Variants in PDXDC1 observed in about 807,000 individuals in gnomAD.
PDXDC1 encodes the protein pyridoxal dependent decarboxylase domain containing 1.
In PDXDC1, 42 loss-of-function variants were observed where a neutral mutation model predicts 100.1. The observed-to-expected ratio is 0.42, with a 90% confidence interval of 0.33 to 0.54. The LOEUF (loss-of-function observed/expected upper bound fraction) is 0.54, where lower values mean the gene tolerates loss of function less well. Among genes scored for constraint, PDXDC1 ranks in the 20% least tolerant of loss-of-function variants. PDXDC1 has a pLI of 0.10. For missense variants in PDXDC1, 636 were observed against 979.2 expected (o/e 0.65, Z 4.68); for synonymous variants, 260 against 371.7 (o/e 0.70, Z 3.46).
intron 12 of PDXDC1, among the ~76,000 whole-genome samples, chr16:15,020,637 C>T (rs1201409281): frequency 9.9e-5 from 15 of 151,806 alleles, no homozygotes; most frequent in Admixed American, 6.6e-4. Context: ...TGCAGTGAGC[C>T]GAGATTGCGC....
At chr16:14,993,856 C>T (rs1971404458) in intron 1 of PDXDC1, among the ~76,000 whole-genome samples, 1 of 152,294 alleles carries the variant, frequency 6.6e-6, no homozygotes. Flanking sequence ...GAGATGGTAT[C>T]TCATTGTGGT....
intron 12 of PDXDC1, among the ~76,000 whole-genome samples, chr16:15,021,478 T>C (rs1405692776): frequency 6.6e-6 from 1 of 152,308 alleles, no homozygotes; most frequent in East Asian, 1.9e-4. Flanking sequence ...AGCTCACTTC[T>C]TGAGATGTGG....
chr16:15,082,149 T>C (rs1422391723), intron 16 of PDXDC1, among the ~76,000 whole-genome samples: 1 of 152,228 alleles, frequency 6.6e-6, no homozygotes, highest in Non-Finnish European at 1.5e-5. Context: ...GCGGACATCC[T>C]TGTTTTGTTC....
downstream of PDXDC1, among the ~76,000 whole-genome samples, chr16:15,042,642 C>G (rs141809262): frequency 3.7e-4 from 56 of 152,306 alleles, no homozygotes; most frequent in South Asian, 1.0e-3. Context: ...TCTTCAGGTT[C>G]AAATCTCTAT....
chr16:14,986,844 T>C (rs1460139999), intron 1 of PDXDC1, among the ~76,000 whole-genome samples: 1 of 152,282 alleles, frequency 6.6e-6, no homozygotes, highest in East Asian at 1.9e-4. Context: ...CCTCCCAGGT[T>C]CGAGTGATTC....
At position 15,097,421 on chromosome 16, in the gene PDXDC1, G is replaced by A. The variant is rs181377442; in HGVS notation, c.1400-41458G>A. Among the ~76,000 whole-genome samples, 172 of 138,298 alleles carry A rather than the reference G, an allele frequency of 1.2e-3. 1 individual carries two copies. The highest frequency in any genetic ancestry group is 4.5e-3 in the African/African-American group (167 of 37,304). 90.7% of individuals were successfully genotyped at this position (138,298 alleles called of 152,430 possible). ...AGGCGGATCACGAGGTCAGGAGATC[G>A]AGACCATCCTGGCTAATGCGGTGAA... On this transcript the variant is annotated intron_variant, in intron 16 of 16. Coordinates refer to the PDXDC1 transcript ENST00000535621.
chr16:15,078,812 CTTTTTTTTTTTTT>C (rs5816111), intron 16 of PDXDC1, among the ~76,000 whole-genome samples: 1 of 117,640 alleles, frequency 8.5e-6, no homozygotes, highest in Non-Finnish European at 1.9e-5. Flanking sequence ...GTATTTTTTT[CTTTTTTTTTTTTT>C]TTTTGAGACA....
At chr16:15,080,503 T>C (rs553249324) in intron 16 of PDXDC1, among the ~76,000 whole-genome samples, 19 of 152,204 alleles carry the variant, frequency 1.2e-4, no homozygotes, top group Non-Finnish European at 1.0e-4. Flanking sequence ...GGTGCAATCA[T>C]AGCTCACTGC....
intron 1 of PDXDC1, chr16:14,988,441 C>A (rs1472154424): frequency 6.2e-7 from 1 of 1,614,030 alleles, no homozygotes; most frequent in African/African-American, 1.3e-5. Flanking sequence ...GCCAGGATGG[C>A]CTTGAGGTGC....
chr16:15,048,185 C>G, intron 16 of PDXDC1: 1 of 898,770 alleles, frequency 1.1e-6, no homozygotes, highest in East Asian at 2.6e-5. Flanking sequence ...AAAGTGGGCT[C>G]TGCGTGGGCA....
At chr16:15,142,768 G>A (rs1431606181), downstream of PDXDC1, among the ~76,000 whole-genome samples, 1 of 151,416 alleles carries the variant, frequency 6.6e-6, no homozygotes, top group African/African-American at 2.4e-5. Context: ...GGCTTCCTCT[G>A]CACCCGCCAG....
Position 14,988,652 on chromosome 16 carries a change from C to T in PDXDC1, c.22-9101C>T, listed in dbSNP as rs1597319809. On this transcript the variant is annotated intron_variant, in intron 1 of 22. Transcript: ENST00000396410. ...ACTCCACGGACTCGTGTAGGTAGGG[C>T]TTGCCCTCGGCATCCGCCAGCACGG... 4.3e-6 allele frequency: 7 copies of T among 1,613,740 alleles called. No individual in the cohort carries two copies. The East Asian group carries it at 1.3e-4, about 31-fold the overall frequency.
chr16:14,984,495 A>ATATTTT (rs1555542734), intron 1 of PDXDC1, among the ~76,000 whole-genome samples: 47 of 73,496 alleles, frequency 6.4e-4, no homozygotes, highest in East Asian at 1.3e-3. Context: ...ATATATATAT[A>ATATTTT]TTTTTTTTTT....
At chr16:14,997,480 C>T (rs1437061928) in intron 1 of PDXDC1, among the ~76,000 whole-genome samples, 1 of 152,268 alleles carries the variant, frequency 6.6e-6, no homozygotes, top group African/African-American at 2.4e-5. Flanking sequence ...GCAGAGGTTG[C>T]AGTGAGCAAG....
chr16:15,016,884 T>G (rs1597528282), intron 9 of PDXDC1, among the ~76,000 whole-genome samples: 1 of 152,284 alleles, frequency 6.6e-6, no homozygotes, highest in East Asian at 1.9e-4. Context: ...AGAAGAATAC[T>G]CCCATTATAT....
chr16:15,066,407 C>T (rs1336306514), intron 16 of PDXDC1, among the ~76,000 whole-genome samples: 15 of 152,132 alleles, frequency 9.9e-5, no homozygotes, highest in South Asian at 4.1e-4. Flanking sequence ...TTGAGGCAGG[C>T]GGTTCACTTG....
chr16:15,039,997 C>G (rs772493910), downstream of PDXDC1: 1 of 1,609,516 alleles, frequency 6.2e-7, no homozygotes, highest in Non-Finnish European at 8.5e-7. Context: ...TCGCGCAGCA[C>G]GAAGCTGCTC....
chr16:15,050,668 G>A (rs1203852872), intron 16 of PDXDC1, among the ~76,000 whole-genome samples: 1 of 151,822 alleles, frequency 6.6e-6, no homozygotes, highest in Non-Finnish European at 1.5e-5. Flanking sequence ...GGAGGTGGAG[G>A]CTGCAGCGAG....
At chr16:15,074,347 C>T (rs963722765) in intron 16 of PDXDC1, among the ~76,000 whole-genome samples, 1 of 152,186 alleles carries the variant, frequency 6.6e-6, no homozygotes, top group Non-Finnish European at 1.5e-5. Flanking sequence ...ACTGGCACAA[C>T]AATGGTGCCA....
Sources: gnomAD v4.1 joint callset for allele counts (sites outside exome capture counted in the v4.1 genomes callset) on GRCh38, gnomAD v4.1.1 for gene constraint, MANE v1.5 for transcripts, NCBI Gene and HGNC (gene_info 2026-07-23, HGNC 2026-07-21) for gene names.